STX7: variants seen among roughly 807,000 people sequenced by gnomAD.
The protein encoded by STX7 is syntaxin-7.
Under a neutral mutation model 39.6 loss-of-function variants are expected in STX7, and 34 were observed. That is an observed-to-expected ratio of 0.86 (90% CI 0.65 to 1.14). The LOEUF (loss-of-function observed/expected upper bound fraction) is 1.14, where lower values mean the gene tolerates loss of function less well. STX7 is among the 50% of genes most tolerant of loss of function. STX7 has a pLI of 0.00. For synonymous variants in STX7, 119 were observed against 99.1 expected (o/e 1.20, Z -1.19); for missense variants, 284 against 310.4 (o/e 0.92, Z 0.64).
rs898245755 is a variant in STX7 at position 132,451,912 on chromosome 6, T to C, written c.*8846A>G. ...TAGAAAACAGAAGAGAAAGGAATAC[T>C]TTCCAGTTCATTTTGAAGCTAGTAT... On this transcript the variant is annotated 3_prime_UTR_variant, in exon 10 of 10. Coordinates refer to ENST00000367941, the MANE Select transcript of STX7 (RefSeq NM_003569.3). 1 of 152,216 alleles carries C rather than the reference T, an allele frequency of 6.6e-6. No homozygotes were observed. Among genetic ancestry groups the C allele is most frequent in the African/African-American group, 2.4e-5 (1 of 41,462 alleles). The allele number at this position is 152,216 out of a possible 1,614,324, so 9.4% of individuals were successfully genotyped here.
At chr6:132,501,025 T>C (rs560082172) in intron 2 of STX7, among the ~76,000 whole-genome samples, 1 of 152,196 alleles carries the variant, frequency 6.6e-6, no homozygotes, top group Non-Finnish European at 1.5e-5. Flanking sequence ...CATCTGCAGA[T>C]GGTGACTGTA....
At chr6:132,489,980 T>A (rs1003365996) in intron 2 of STX7, among the ~76,000 whole-genome samples, 1 of 152,230 alleles carries the variant, frequency 6.6e-6, no homozygotes, top group Non-Finnish European at 1.5e-5. Flanking sequence ...TAATTTGGAC[T>A]TCTAGATGGC....
At chr6:132,478,554 A>G (rs1383969837) in intron 2 of STX7, among the ~76,000 whole-genome samples, 1 of 152,206 alleles carries the variant, frequency 6.6e-6, no homozygotes, top group African/African-American at 2.4e-5. Flanking sequence ...TTCCCTGGGA[A>G]TTACTCAGAA....
At chr6:132,476,577 T>C (rs72998841) in intron 2 of STX7, among the ~76,000 whole-genome samples, 4,323 of 152,168 alleles carry the variant, frequency 0.028, 90 homozygotes, top group Non-Finnish European at 0.045. Context: ...AAGAAAATCA[T>C]AGGGACAACT....
At chr6:132,461,524 A>G (rs1263463700) in intron 9 of STX7, among the ~76,000 whole-genome samples, 1 of 151,800 alleles carries the variant, frequency 6.6e-6, no homozygotes, top group African/African-American at 2.4e-5. Flanking sequence ...GTTGGCCAGG[A>G]TGGTCCCATT....
rs1205671846 is a variant in STX7 at position 132,453,657 on chromosome 6, A to G, written c.*7101T>C. The stretch of plus-strand genomic sequence containing the variant: ...TAAAGAAGAGATACAGGTGGCAAAT[A>G]AGCATATGAAACAAAGATGCTCAAC... On this transcript the variant is annotated 3_prime_UTR_variant, in exon 10 of 10. Transcript: ENST00000367941. 6.6e-6 allele frequency: 1 copy of G among 151,970 alleles called. No homozygotes were observed. The highest frequency in any genetic ancestry group is 6.6e-5 in the Admixed American group (1 of 15,226). The allele number at this position is 151,970 out of a possible 1,614,324, so 9.4% of individuals were successfully genotyped here. A position where few individuals can be genotyped will look rare whatever the true frequency, so the allele number is the denominator to read the frequency against.
rs1582679775 is a variant in STX7 at position 132,499,878 on chromosome 6, T to A, written c.85+3568A>T. Among the ~76,000 whole-genome samples the A allele has an allele frequency of 3.3e-5, 5 of 152,208 alleles. No homozygotes were observed. The South Asian group carries it at 1.0e-3, about 32-fold the overall frequency. On this transcript the variant is annotated intron_variant, in intron 2 of 9. Coordinates refer to ENST00000367941, the MANE Select transcript of STX7 (RefSeq NM_003569.3). ...AAAATATACTTAGTCAAAACAAAAC[T>A]CTCCCCTACTTGTCCTGAACTGTAG...
At chr6:132,475,494 T>C (rs1562326611) in intron 3 of STX7, 99 bp downstream of exon 3, 2 of 693,384 alleles carry the variant, frequency 2.9e-6, no homozygotes, top group Non-Finnish European at 4.3e-6. Flanking sequence ...TTTCCATTTT[T>C]TCTTCCAGTA....
At chr6:132,484,991 T>C (rs943469894) in intron 2 of STX7, among the ~76,000 whole-genome samples, 1 of 152,186 alleles carries the variant, frequency 6.6e-6, no homozygotes, top group African/African-American at 2.4e-5. Context: ...ATAATAGGAA[T>C]ATTCTTATTA....
intron 2 of STX7, among the ~76,000 whole-genome samples, chr6:132,499,924 A>G (rs1002737880): frequency 6.6e-6 from 1 of 152,164 alleles, no homozygotes; most frequent in African/African-American, 2.4e-5. Context: ...TTCAGTACAC[A>G]CTTGCCACCA....
intron 8 of STX7, among the ~76,000 whole-genome samples, chr6:132,465,441 T>C (rs1241307089): frequency 6.6e-6 from 1 of 152,170 alleles, no homozygotes. Context: ...TCACTTAGCC[T>C]CAGCTTACTC....
intron 2 of STX7, among the ~76,000 whole-genome samples, chr6:132,494,990 G>A (rs1408288604): frequency 2.6e-5 from 4 of 152,066 alleles, no homozygotes; most frequent in East Asian, 3.9e-4. Flanking sequence ...AGATCTGACC[G>A]GTAGAACCAC....
chr6:132,481,885 G>A lies in STX7; in HGVS notation c.86-6223C>T, dbSNP rs147052970. 3.1e-4 allele frequency among the ~76,000 whole-genome samples: 47 copies of A among 152,308 alleles called. 2 individuals carry two copies. Among genetic ancestry groups the A allele is most frequent in the African/African-American group, 1.1e-3 (45 of 41,570 alleles). On this transcript the variant is annotated intron_variant, in intron 2 of 9. Coordinates refer to ENST00000367941, the MANE Select transcript of STX7 (RefSeq NM_003569.3). ...CTGTAATGAAGGTGGCATTTGTAAT[G>A]GTTTGAAGGGTAAGAAATAGGACAT...
intron 1 of STX7, among the ~76,000 whole-genome samples, chr6:132,509,609 T>A (rs944206209): frequency 2.6e-5 from 4 of 152,158 alleles, no homozygotes; most frequent in African/African-American, 9.7e-5. Context: ...TGAAGGAATA[T>A]GTTTGGGATA....
chr6:132,504,660 T>C (rs1019187066), intron 1 of STX7, among the ~76,000 whole-genome samples: 2 of 152,074 alleles, frequency 1.3e-5, no homozygotes, highest in African/African-American at 4.8e-5. Flanking sequence ...CAAAACACAC[T>C]GACACAGTAT....
intron 1 of STX7, among the ~76,000 whole-genome samples, chr6:132,510,538 G>C (rs559460371): frequency 1.3e-5 from 2 of 151,922 alleles, no homozygotes; most frequent in African/African-American, 4.8e-5. Flanking sequence ...TGTAGCTCTC[G>C]TTTTTAAAAA....
chr6:132,508,837 G>A (rs1161947287), intron 1 of STX7, among the ~76,000 whole-genome samples: 1 of 152,096 alleles, frequency 6.6e-6, no homozygotes, highest in East Asian at 1.9e-4. Context: ...AGAATGAAAA[G>A]CAATTTGCAA....
chr6:132,461,719 A>G, intron 9 of STX7: 1 of 1,081,130 alleles, frequency 9.2e-7, no homozygotes, highest in Non-Finnish European at 1.3e-6. Flanking sequence ...CTCAACAAAC[A>G]AAACCACAGA....
intron 2 of STX7, among the ~76,000 whole-genome samples, chr6:132,489,798 T>C (rs957476974): frequency 3.9e-5 from 6 of 152,208 alleles, no homozygotes; most frequent in African/African-American, 1.4e-4. Flanking sequence ...ATTTTCACTT[T>C]GTCATTGGTT....
Sources: gnomAD v4.1 joint callset for allele counts (sites outside exome capture counted in the v4.1 genomes callset) on GRCh38, gnomAD v4.1.1 for gene constraint, MANE v1.5 for transcripts, NCBI Gene and HGNC (gene_info 2026-07-23, HGNC 2026-07-21) for gene names.